Variants in PPARG observed in about 807,000 individuals in gnomAD.
PPARG encodes peroxisome proliferator-activated receptor gamma.
Under a neutral mutation model 39.2 loss-of-function variants are expected in PPARG, and 17 were observed. The ratio of observed to expected loss-of-function variants is 0.43; its 90% CI spans 0.30 to 0.65. The LOEUF is 0.65. Ranked by LOEUF, PPARG falls within the 30% of genes least tolerant of loss-of-function variation. The probability of loss-of-function intolerance (pLI) is 0.13; values close to 1 mark genes in which losing one functional copy is unlikely to be tolerated. For synonymous variants in PPARG, 223 were observed against 215.7 expected (o/e 1.03, Z -0.30); for missense variants, 406 against 585.9 (o/e 0.69, Z 3.17).
chr3:12,425,731 C>T (rs1385571873), intron 7 of PPARG, among the ~76,000 whole-genome samples: 2 of 152,174 alleles, frequency 1.3e-5, no homozygotes, highest in Non-Finnish European at 2.9e-5. Flanking sequence ...CTGCAGATGG[C>T]TCCCCTGGTC....
At chr3:12,318,013 G>A (rs2047435088) in intron 2 of PPARG, among the ~76,000 whole-genome samples, 1 of 152,018 alleles carries the variant, frequency 6.6e-6, no homozygotes, top group Non-Finnish European at 1.5e-5. Flanking sequence ...TTCCTCTGTT[G>A]CTCAGGCTGG....
At chr3:12,392,414 G>C (rs980219251) in intron 4 of PPARG, among the ~76,000 whole-genome samples, 200 bp from the exon 5 acceptor site, 3 of 152,150 alleles carry the variant, frequency 2.0e-5, no homozygotes, top group Non-Finnish European at 4.4e-5. Context: ...AAGGGACCTG[G>C]AGATCCTCTG....
intron 2 of PPARG, among the ~76,000 whole-genome samples, chr3:12,352,499 G>A (rs1452162815): frequency 3.9e-5 from 6 of 151,934 alleles, no homozygotes; most frequent in Non-Finnish European, 7.4e-5. Context: ...AGCCTTTTCT[G>A]TTTTGTATTG....
intron 2 of PPARG, among the ~76,000 whole-genome samples, chr3:12,333,492 T>A (rs1469829954): frequency 1.3e-5 from 2 of 152,060 alleles, no homozygotes; most frequent in African/African-American, 4.8e-5. Flanking sequence ...TGAGACAGAG[T>A]CTCACTCTGT....
chr3:12,427,667 G>T (rs1362600309), intron 7 of PPARG, among the ~76,000 whole-genome samples: 2 of 152,202 alleles, frequency 1.3e-5, no homozygotes. Flanking sequence ...AAACTAAGTG[G>T]AAGAGAAACA....
At chr3:12,335,103 G>A (rs1395182975) in intron 2 of PPARG, among the ~76,000 whole-genome samples, 1 of 152,150 alleles carries the variant, frequency 6.6e-6, no homozygotes, top group Admixed American at 6.6e-5. Flanking sequence ...GGGTAGAAAT[G>A]GTACGTTGTT....
intron 7 of PPARG, among the ~76,000 whole-genome samples, chr3:12,428,054 T>C (rs1007192105): frequency 1.3e-5 from 2 of 152,194 alleles, no homozygotes; most frequent in African/African-American, 4.8e-5. Flanking sequence ...TTTCTGCCTC[T>C]TCTTCAGGAG....
intron 7 of PPARG, among the ~76,000 whole-genome samples, chr3:12,426,110 A>G (rs1400642150): frequency 6.6e-6 from 1 of 152,166 alleles, no homozygotes; most frequent in Non-Finnish European, 1.5e-5. Context: ...TAATGGGCAG[A>G]TCAAAGAAAA....
intron 1 of PPARG, among the ~76,000 whole-genome samples, chr3:12,299,271 A>G (rs886524465): frequency 1.3e-5 from 2 of 152,160 alleles, no homozygotes; most frequent in Admixed American, 6.5e-5. Flanking sequence ...AATTATTGTT[A>G]TCTAGATTTA....
At chr3:12,313,401 C>A (rs1250972119) in intron 2 of PPARG, among the ~76,000 whole-genome samples, 1 of 152,122 alleles carries the variant, frequency 6.6e-6, no homozygotes, top group Admixed American at 6.6e-5. Context: ...ATCTGAAAAT[C>A]TGAACTTCAA....
At chr3:12,326,858 A>G (rs2125037017) in intron 2 of PPARG, among the ~76,000 whole-genome samples, 1 of 152,318 alleles carries the variant, frequency 6.6e-6, no homozygotes, top group African/African-American at 2.4e-5. Flanking sequence ...ATAGACGACA[A>G]CCAAGTATTC....
At chr3:12,422,555 T>G (rs1221389064) in intron 7 of PPARG, among the ~76,000 whole-genome samples, 9 of 152,170 alleles carry the variant, frequency 5.9e-5, no homozygotes, top group Non-Finnish European at 1.0e-4. Context: ...AAAAACTGCC[T>G]ATTTCCATAT....
chr3:12,376,769 TAA>T (rs1282342969), intron 2 of PPARG, among the ~76,000 whole-genome samples: 2 of 152,204 alleles, frequency 1.3e-5, no homozygotes, highest in African/African-American at 4.8e-5. Flanking sequence ...GCTATCTCAT[TAA>T]GTCATCAATG....
chr3:12,315,470 A>G (rs980207887), intron 2 of PPARG, among the ~76,000 whole-genome samples: 4 of 152,218 alleles, frequency 2.6e-5, no homozygotes, highest in African/African-American at 9.6e-5. Context: ...TCCCTCCACT[A>G]TCTTTGCAAC....
intron 6 of PPARG, among the ~76,000 whole-genome samples, chr3:12,410,727 A>G (rs2050854236): frequency 6.6e-6 from 1 of 152,236 alleles, no homozygotes; most frequent in African/African-American, 2.4e-5. Flanking sequence ...ATCAATATGG[A>G]AATGTAAACT....
chr3:12,335,247 T>C (rs1192990415), intron 2 of PPARG, among the ~76,000 whole-genome samples: 1 of 152,232 alleles, frequency 6.6e-6, no homozygotes, highest in Non-Finnish European at 1.5e-5. Context: ...GAGTTGGTAG[T>C]AATTCCAGAA....
chr3:12,420,112 G>A (rs2051211740), intron 7 of PPARG, among the ~76,000 whole-genome samples: 1 of 152,140 alleles, frequency 6.6e-6, no homozygotes, highest in Non-Finnish European at 1.5e-5. Flanking sequence ...ACACATATGT[G>A]TACGTTCATA....
At position 12,434,111 on chromosome 3, in the gene PPARG, C is replaced by T. The variant is rs121909244; in HGVS notation, c.1394C>T (p.Pro465Leu). The part of the protein sequence containing the change: ...KKTETDMSLH[P>L]LLQEIYKDLY The stretch of plus-strand genomic sequence containing the variant: ...ACGGAGACAGACATGAGTCTTCACC[C>T]GCTCCTGCAGGAGATCTACAAGGAC... The change falls in exon 8 of 8, where the codon CCG (proline) becomes CTG (leucine). Residue 465 changes from proline (P) to leucine (L), a missense_variant. Pro to Leu is a moderately conservative substitution (Grantham distance 98). Around this residue, in one of 2 missense-constraint regions of PPARG, gnomAD observed 275 missense variants for 458.0 expected, o/e 0.60. Transcript: ENST00000651735. The surrounding 1 kb of genome is among the most constrained non-coding windows in gnomAD (Gnocchi z 4.2). The T allele has an allele frequency of 1.9e-6, 3 of 1,614,060 alleles. No individual in the cohort carries two copies. The highest frequency in any genetic ancestry group is 2.5e-6 in the Non-Finnish European group (3 of 1,180,014).
chr3:12,380,187 T>C (rs772609426), intron 3 of PPARG, among the ~76,000 whole-genome samples: 8 of 151,894 alleles, frequency 5.3e-5, no homozygotes, highest in East Asian at 1.9e-4. Context: ...TACTTCCTTC[T>C]TAGGGACATT....
Sources: gnomAD v4.1 joint callset for allele counts (sites outside exome capture counted in the v4.1 genomes callset) on GRCh38, gnomAD v4.1.1 for gene constraint, gnomAD v4.1.1 regional missense constraint, Gnocchi (gnomAD v3.1) non-coding constraint, MANE v1.5 for transcripts, NCBI Gene and HGNC (gene_info 2026-07-23, HGNC 2026-07-21) for gene names.